The following LRRN2 variants were observed in gnomAD, a reference collection of about 807,000 sequenced individuals.
LRRN2 encodes leucine rich repeat neuronal 2, also known as leucine-rich repeat neuronal protein 2.
In LRRN2, 10 loss-of-function variants were observed where a neutral mutation model predicts 35.7. The ratio of observed to expected loss-of-function variants is 0.28; its 90% CI spans 0.17 to 0.47. The LOEUF (loss-of-function observed/expected upper bound fraction) is 0.47. LRRN2 is among the 20% of genes least tolerant of loss of function. The pLI is 0.99. For missense variants in LRRN2, 731 were observed against 940.3 expected (o/e 0.78, Z 2.91); for synonymous variants, 391 against 409.6 (o/e 0.95, Z 0.55).
At chr1:204,659,565 G>A (rs1228183958) in intron 1 of LRRN2, among the ~76,000 whole-genome samples, 2 of 152,042 alleles carry the variant, frequency 1.3e-5, no homozygotes, top group Admixed American at 6.5e-5. Flanking sequence ...GGCCACCTAA[G>A]AGAATGAGGT....
intron 1 of LRRN2, among the ~76,000 whole-genome samples, chr1:204,683,236 A>T (rs945582420): frequency 2.0e-5 from 3 of 152,188 alleles, no homozygotes; most frequent in African/African-American, 7.2e-5. Flanking sequence ...TCAACAGTGC[A>T]TGTGCTCCCA....
At chr1:204,679,070 T>A (rs1018476326) in intron 1 of LRRN2, among the ~76,000 whole-genome samples, 11 of 152,082 alleles carry the variant, frequency 7.2e-5, no homozygotes, top group African/African-American at 2.7e-4. Flanking sequence ...AGATGGGCAG[T>A]GGACAGGATG....
At chr1:204,659,609 G>GGTGTGT (rs113175099) in intron 1 of LRRN2, among the ~76,000 whole-genome samples, 111 of 148,168 alleles carry the variant, frequency 7.5e-4, no homozygotes, top group African/African-American at 2.7e-3. Flanking sequence ...TCTACCTTCA[G>GGTGTGT]GTGTGTGTGT....
At chr1:204,659,133 C>T (rs1668416800) in intron 1 of LRRN2, among the ~76,000 whole-genome samples, 1 of 152,178 alleles carries the variant, frequency 6.6e-6, no homozygotes, top group Non-Finnish European at 1.5e-5. Context: ...TTACATTTCT[C>T]AGTCATACTT....
At chr1:204,657,583 G>A (rs941937742) in intron 1 of LRRN2, among the ~76,000 whole-genome samples, 9 of 152,078 alleles carry the variant, frequency 5.9e-5, no homozygotes, top group African/African-American at 2.2e-4. Context: ...GGGGGAAGGG[G>A]AGAATGAGGA....
At chr1:204,630,579 C>T (rs1423312791) in intron 1 of LRRN2, among the ~76,000 whole-genome samples, 1 of 152,020 alleles carries the variant, frequency 6.6e-6, no homozygotes, top group African/African-American at 2.4e-5. Flanking sequence ...GTCAGCTGTC[C>T]AGGCAGCCCG....
chr1:204,619,685 T>C lies in LRRN2; in HGVS notation c.308A>G (p.Asn103Ser). The change falls in exon 2 of 2, where the codon AAC becomes AGC. Residue 103 changes from asparagine (N) to serine (S), a missense_variant. By Grantham distance (46) the Asn-to-Ser change is conservative. Around this residue, in one of 3 missense-constraint regions of LRRN2, gnomAD observed 246 missense variants for 289.5 expected, o/e 0.85. Transcript: ENST00000367177. ...ANLTELDLSQ[N>S]SFSDARDCDF... is the part of the protein sequence containing the mutation. ...ACAGTCTCGGGCATCCGAAAAGCTG[T>C]TCTGGGACAGGTCCAGCTCTGTGAG... The C allele has an allele frequency of 6.2e-7, 1 of 1,614,180 alleles. No individual in the cohort carries two copies.
intron 1 of LRRN2, among the ~76,000 whole-genome samples, chr1:204,662,617 T>C (rs549127393): frequency 1.3e-5 from 2 of 152,340 alleles, no homozygotes; most frequent in African/African-American, 4.8e-5. Flanking sequence ...ATGATCTTAT[T>C]TGATTTTCAC....
chr1:204,642,353 T>C lies in LRRN2; in HGVS notation c.-226-22135A>G, dbSNP rs140716097. Among the ~76,000 whole-genome samples, 350 of 152,312 alleles carry C rather than the reference T, an allele frequency of 2.3e-3. 1 individual carries two copies. Among genetic ancestry groups the C allele is most frequent in the Non-Finnish European group, 3.7e-3 (253 of 68,026 alleles). ...GCCTTAGGTGTTGCCAGATTTTCTGTCTTCTCCAGCTTGGAGACAGGTGCA... is the reference window on the plus strand; with the variant it reads ...GCCTTAGGTGTTGCCAGATTTTCTGCCTTCTCCAGCTTGGAGACAGGTGCA... On this transcript the variant is annotated intron_variant, in intron 1 of 1. Transcript: ENST00000367177.
chr1:204,618,494 T>C lies in LRRN2; in HGVS notation c.1499A>G (p.Gln500Arg). Residue 500 changes from glutamine (Q) to arginine (R), a missense_variant, in exon 2 of 2, where the codon CAG becomes CGG. Physicochemically the swap from Gln to Arg is conservative, Grantham distance 43. Coordinates refer to ENST00000367177, the MANE Select transcript of LRRN2 (RefSeq NM_201630.2). ...EEAGLYTCVA[Q>R]NLVGADTKTV... Reference sequence around the variant, plus strand: ...CTTAGTGTCAGCCCCCACCAGGTTCTGGGCCACACAGGTGTATAGCCCTGC... The same window carrying C: ...CTTAGTGTCAGCCCCCACCAGGTTCCGGGCCACACAGGTGTATAGCCCTGC... 1 of 1,614,256 alleles carries C rather than the reference T, an allele frequency of 6.2e-7. No individual in the cohort carries two copies. Among genetic ancestry groups the C allele is most frequent in the Non-Finnish European group, 8.5e-7 (1 of 1,180,034 alleles).
intron 1 of LRRN2, among the ~76,000 whole-genome samples, chr1:204,630,912 C>G (rs1166464153): frequency 2.0e-5 from 3 of 152,034 alleles, no homozygotes; most frequent in Non-Finnish European, 4.4e-5. Flanking sequence ...GGCCTGGGGA[C>G]AGACTTTGGA....
intron 1 of LRRN2, among the ~76,000 whole-genome samples, chr1:204,639,100 C>T (rs1178811869): frequency 6.6e-6 from 1 of 152,212 alleles, no homozygotes; most frequent in East Asian, 1.9e-4. Flanking sequence ...GCCATAAGGG[C>T]TCTCTCAACC....
rs766671754 is a variant in LRRN2, at chr1:204,618,913, G to A, written c.1080C>T (p.Asn360=). Residue 360 remains asparagine, a synonymous_variant, in exon 2 of 2, where the codon AAC becomes AAT. Coordinates refer to ENST00000367177, the MANE Select transcript of LRRN2 (RefSeq NM_201630.2). ...TGCCGTGGAGACCTACCTCCTGCAGGTTGGGCAGGGACTCCACCGTCTGCT... is the reference window on the plus strand; with the variant it reads ...TGCCGTGGAGACCTACCTCCTGCAGATTGGGCAGGGACTCCACCGTCTGCT... ...LHQQTVESLP[N]LQEVGLHGNP... is the part of the protein sequence containing the mutation. 1 of 1,614,182 alleles carries A rather than the reference G, an allele frequency of 6.2e-7. No individual in the cohort carries two copies. Among genetic ancestry groups the A allele is most frequent in the South Asian group, 1.1e-5 (1 of 91,082 alleles).
chr1:204,626,416 C>A (rs12027855), intron 1 of LRRN2, among the ~76,000 whole-genome samples: 56,236 of 151,722 alleles, frequency 0.37, 12,321 homozygotes, highest in Non-Finnish European at 0.47. Context: ...ACACACCACA[C>A]CCTGGCTATT....
chr1:204,668,900 T>C (rs1440220925), intron 1 of LRRN2, among the ~76,000 whole-genome samples: 2 of 152,230 alleles, frequency 1.3e-5, no homozygotes, highest in African/African-American at 4.8e-5. Context: ...CCTAGCTCAC[T>C]GTAGCCTTGA....
intron 1 of LRRN2, among the ~76,000 whole-genome samples, chr1:204,637,771 C>T (rs767226110): frequency 7.2e-5 from 11 of 151,910 alleles, no homozygotes; most frequent in Non-Finnish European, 1.5e-4. Flanking sequence ...CATCTGTATG[C>T]TCCTCCACAC....
At chr1:204,675,098 T>G (rs984794617) in intron 1 of LRRN2, among the ~76,000 whole-genome samples, 20 of 152,260 alleles carry the variant, frequency 1.3e-4, no homozygotes, top group African/African-American at 4.6e-4. Context: ...AAACCACTCC[T>G]TCCTGGGCCT....
intron 1 of LRRN2, among the ~76,000 whole-genome samples, chr1:204,680,367 A>G (rs1668921193): frequency 1.3e-5 from 2 of 152,228 alleles, no homozygotes; most frequent in African/African-American, 4.8e-5. Flanking sequence ...TCTGCACTTT[A>G]TCTTGGAACT....
intron 1 of LRRN2, among the ~76,000 whole-genome samples, chr1:204,674,854 G>C (rs941661092): frequency 1.3e-5 from 2 of 152,240 alleles, no homozygotes; most frequent in African/African-American, 4.8e-5. Flanking sequence ...CTGGAACTCA[G>C]AGCTGCTCAT....
Sources: gnomAD v4.1 joint callset for allele counts (sites outside exome capture counted in the v4.1 genomes callset) on GRCh38, gnomAD v4.1.1 for gene constraint, gnomAD v4.1.1 regional missense constraint, MANE v1.5 for transcripts, NCBI Gene and HGNC (gene_info 2026-07-23, HGNC 2026-07-21) for gene names.